MARCHF8: variants seen among roughly 807,000 people sequenced by gnomAD.
MARCHF8 encodes E3 ubiquitin-protein ligase MARCHF8.
MARCHF8 carries 40 observed loss-of-function variants against 51.6 expected under a neutral mutation model. The observed-to-expected ratio is 0.77, with a 90% CI of 0.60 to 1.01. MARCHF8 has a LOEUF of 1.01. Among genes scored for constraint, MARCHF8 ranks in the 50% least tolerant of loss-of-function variants. MARCHF8 has a pLI of 0.00. For missense variants in MARCHF8, 685 were observed against 708.6 expected (o/e 0.97, Z 0.38); for synonymous variants, 263 against 280.3 (o/e 0.94, Z 0.62).
chr10:45,477,759 A>G (rs2042812912), intron 3 of MARCHF8, among the ~76,000 whole-genome samples: 1 of 152,234 alleles, frequency 6.6e-6, no homozygotes, highest in African/African-American at 2.4e-5. Flanking sequence ...AAAAGCAAGC[A>G]GGACTAGCTA....
intron 1 of MARCHF8, among the ~76,000 whole-genome samples, chr10:45,565,997 C>A (rs1304509863): frequency 6.6e-6 from 1 of 152,170 alleles, no homozygotes; most frequent in African/African-American, 2.4e-5. Flanking sequence ...TCCATTGGCA[C>A]ATCACAGCCT....
At chr10:45,467,286 A>T (rs577363483) in intron 3 of MARCHF8, among the ~76,000 whole-genome samples, 15 of 152,342 alleles carry the variant, frequency 9.8e-5, no homozygotes, top group Non-Finnish European at 1.6e-4. Flanking sequence ...GAAAAATTTT[A>T]AAATCTACTT....
chr10:45,480,075 G>T (rs1474171730), intron 3 of MARCHF8, among the ~76,000 whole-genome samples: 1 of 152,168 alleles, frequency 6.6e-6, no homozygotes, highest in Non-Finnish European at 1.5e-5. Flanking sequence ...CTGGAGTAAA[G>T]GTGACTCTTG....
chr10:45,539,366 G>T (rs1042880585), upstream of MARCHF8, among the ~76,000 whole-genome samples: 23 of 152,236 alleles, frequency 1.5e-4, no homozygotes, highest in Non-Finnish European at 3.2e-4. Context: ...AGAGAAAGCA[G>T]GAAAGATCTA....
At chr10:45,503,481 A>C (rs2133154131) in intron 2 of MARCHF8, among the ~76,000 whole-genome samples, 1 of 152,232 alleles carries the variant, frequency 6.6e-6, no homozygotes, top group South Asian at 2.1e-4. Context: ...GGTTGCAGTG[A>C]GCCGAGATAT....
At chr10:45,470,020 T>A (rs536966916) in intron 3 of MARCHF8, among the ~76,000 whole-genome samples, 1 of 152,222 alleles carries the variant, frequency 6.6e-6, no homozygotes, top group Non-Finnish European at 1.5e-5. Flanking sequence ...AGAGTTCATG[T>A]TGGCTGTTGG....
At chr10:45,588,998 C>CAAAAAAA (rs72350925) in intron 1 of MARCHF8, among the ~76,000 whole-genome samples, 3 of 87,672 alleles carry the variant, frequency 3.4e-5, no homozygotes, top group African/African-American at 4.6e-5. Context: ...GACTACGTTT[C>CAAAAAAA]AAAAAAAAAA....
chr10:45,558,341 T>A (rs2044274372), intron 1 of MARCHF8, among the ~76,000 whole-genome samples: 1 of 152,108 alleles, frequency 6.6e-6, no homozygotes, highest in Non-Finnish European at 1.5e-5. Context: ...CCACAGACCA[T>A]GAGAAGAGAG....
At chr10:45,532,710 G>A (rs2043906824) in intron 2 of MARCHF8, among the ~76,000 whole-genome samples, 1 of 152,148 alleles carries the variant, frequency 6.6e-6, no homozygotes, top group South Asian at 2.1e-4. Context: ...AACCACCCAG[G>A]CTATGGCATT....
Position 45,521,769 on chromosome 10 carries a change from T to C in MARCHF8, c.102+11341A>G, listed in dbSNP as rs146415775. On this transcript the variant is annotated intron_variant, in intron 2 of 7. Coordinates refer to ENST00000453424, the MANE Select transcript of MARCHF8 (RefSeq NM_001282866.2). The stretch of plus-strand genomic sequence containing the variant: ...CATAATCTTTTATTTCCCAAAACTT[T>C]TGATTTGAAAAACTTTAAATCTACA... Among the ~76,000 whole-genome samples the C allele has an allele frequency of 6.0e-3, 917 of 152,350 alleles. 10 individuals are homozygous for C. The highest frequency in any genetic ancestry group is 0.021 in the African/African-American group (859 of 41,566).
At position 45,524,902 on chromosome 10, in the gene MARCHF8, T is replaced by C. The variant is rs778074792; in HGVS notation, c.102+8208A>G. On this transcript the variant is annotated intron_variant, in intron 2 of 7. Transcript: ENST00000453424. ...TGCCCTAAAAACAAACTGGCCATGA[T>C]AATACAGAGTAGGTTCAAGCATTAA... Among the ~76,000 whole-genome samples, 102 of 152,276 alleles carry C rather than the reference T, an allele frequency of 6.7e-4. 1 individual carries two copies. Among genetic ancestry groups the C allele is most frequent in the Non-Finnish European group, 1.0e-4 (7 of 68,022 alleles).
intron 1 of MARCHF8, among the ~76,000 whole-genome samples, chr10:45,578,648 G>A (rs2044516853): frequency 6.6e-6 from 1 of 152,154 alleles, no homozygotes; most frequent in African/African-American, 2.4e-5. Flanking sequence ...ACAGTATCAT[G>A]GCAGTAGAGA....
rs548933462 is a variant in MARCHF8, at chr10:45,573,440, A to G, written c.-79+20795T>C. On this transcript the variant is annotated intron_variant, in intron 1 of 6. Coordinates refer to the MARCHF8 transcript ENST00000319836. ...CAAGAACTCCAAACACCTGAACTGC[A>G]GCTGCCAGGGGTTCCTCCAGAACCT... Among the ~76,000 whole-genome samples the G allele has an allele frequency of 1.3e-3, 195 of 152,314 alleles. 1 individual carries two copies. The highest frequency in any genetic ancestry group is 1.8e-3 in the Non-Finnish European group (121 of 68,016).
Position 45,461,325 on chromosome 10 carries a change from C to G in MARCHF8, c.1175G>C (p.Cys392Ser). Residue 392 changes from cysteine (C) to serine (S), a missense_variant, in exon 6 of 8, where the codon TGC (cysteine) becomes TCC (serine). By Grantham distance (112) the Cys-to-Ser change is moderately radical (BLOSUM62 -1). Coordinates refer to ENST00000453424, the MANE Select transcript of MARCHF8 (RefSeq NM_001282866.2). ...GGAGCTCTTGATCCACTGCTGCAGG[C>G]AGGCCTGGTGCACGAAGTGGAGGCT... ...TGSLHFVHQA[C>S]LQQWIKSSDT... is the part of the protein sequence containing the mutation. The G allele has an allele frequency of 6.2e-7, 1 of 1,608,022 alleles. No homozygotes were observed. The highest frequency in any genetic ancestry group is 1.3e-5 in the African/African-American group (1 of 74,646).
At chr10:45,522,951 G>A (rs2043732987) in intron 2 of MARCHF8, among the ~76,000 whole-genome samples, 3 of 152,116 alleles carry the variant, frequency 2.0e-5, no homozygotes, top group Non-Finnish European at 4.4e-5. Flanking sequence ...CTCAACGTGG[G>A]CAACAGAATG....
At position 45,535,262 on chromosome 10, in the gene MARCHF8, G is replaced by GT. The variant is rs1279008981; in HGVS notation, c.-131dup. ...AGATCACAATAGTCAGTGGTAAGCA[G>GT]TTTTTTCATCACTAATGCACTAACG... On this transcript the variant is annotated 5_prime_UTR_variant, in exon 1 of 8. The change creates a premature stop within an existing upstream ORF in the 5' untranslated region. Transcript: ENST00000453424. 3.3e-5 allele frequency: 5 copies of GT among 152,232 alleles called. No individual in the cohort carries two copies. The highest frequency in any genetic ancestry group is 3.3e-4 in the Admixed American group (5 of 15,282). The allele number at this position is 152,232 out of a possible 1,614,324, so 9.4% of individuals were successfully genotyped here.
At chr10:45,576,033 T>C (rs1466288485) in intron 1 of MARCHF8, among the ~76,000 whole-genome samples, 2 of 152,208 alleles carry the variant, frequency 1.3e-5, no homozygotes, top group Non-Finnish European at 1.5e-5. Flanking sequence ...ATTAAAAAGC[T>C]TTATTGCTCA....
chr10:45,522,407 A>C lies in MARCHF8; in HGVS notation c.102+10703T>G, dbSNP rs1028528394. 6.8e-4 allele frequency among the ~76,000 whole-genome samples: 103 copies of C among 152,298 alleles called. 1 individual carries two copies. Among genetic ancestry groups the C allele is most frequent in the Non-Finnish European group, 1.0e-4 (7 of 68,026 alleles). ...TCTCCTCCAAGTTCAGTAAGAACCCAAGGTCACACTGCTAATTAGATGAAA... is the reference window on the plus strand; with the variant it reads ...TCTCCTCCAAGTTCAGTAAGAACCCCAGGTCACACTGCTAATTAGATGAAA... On this transcript the variant is annotated intron_variant, in intron 2 of 7. Transcript: ENST00000453424.
chr10:45,547,185 A>G (rs2044136947), intron 1 of MARCHF8, among the ~76,000 whole-genome samples: 1 of 152,384 alleles, frequency 6.6e-6, no homozygotes, highest in Non-Finnish European at 1.5e-5. Flanking sequence ...TAATTTAAAC[A>G]GATAAAGTAT....
Sources: gnomAD v4.1 joint callset for allele counts (sites outside exome capture counted in the v4.1 genomes callset) on GRCh38, gnomAD v4.1.1 for gene constraint, MANE v1.5 for transcripts, NCBI Gene and HGNC (gene_info 2026-07-23, HGNC 2026-07-21) for gene names.